The following JAK1 variants were observed in gnomAD, a reference collection of about 807,000 sequenced individuals.
JAK1 encodes tyrosine-protein kinase JAK1.
In JAK1, 16 loss-of-function variants were observed where a neutral mutation model predicts 136.6. That is an observed-to-expected ratio of 0.12 (90% CI 0.08 to 0.18). JAK1 has a LOEUF of 0.18. Among genes scored for constraint, JAK1 ranks in the 10% least tolerant of loss-of-function variants. The pLI, the probability that JAK1 is intolerant of heterozygous loss-of-function variation, is 1.00. For synonymous variants in JAK1, 492 were observed against 519.5 expected (o/e 0.95, Z 0.72); for missense variants, 859 against 1,450.1 (o/e 0.59, Z 6.62).
intron 1 of JAK1, among the ~76,000 whole-genome samples, chr1:64,958,084 G>C (rs1646222719): frequency 6.6e-6 from 1 of 152,174 alleles, no homozygotes; most frequent in Non-Finnish European, 1.5e-5. Context: ...ACTTTTCTAA[G>C]GGCAGGAGCC....
intron 2 of JAK1, among the ~76,000 whole-genome samples, chr1:65,042,190 T>G (rs1164712859): frequency 6.6e-6 from 1 of 152,182 alleles, no homozygotes; most frequent in African/African-American, 2.4e-5. Flanking sequence ...TACATTGTAT[T>G]AGGTATTAGA....
At chr1:65,023,002 T>C (rs1414023691) in intron 2 of JAK1, 1 of 152,178 alleles carries the variant, frequency 6.6e-6, no homozygotes, top group Non-Finnish European at 1.5e-5. Context: ...TTTCCTGTCA[T>C]CCTTACACAG....
chr1:64,892,836 C>T (rs925914378), intron 1 of JAK1, among the ~76,000 whole-genome samples: 3 of 152,196 alleles, frequency 2.0e-5, no homozygotes, highest in Non-Finnish European at 4.4e-5. Context: ...TTTCCATTTA[C>T]CACTCTGCCT....
intron 2 of JAK1, among the ~76,000 whole-genome samples, chr1:64,977,626 T>C (rs1646508104): frequency 6.6e-6 from 1 of 151,634 alleles, no homozygotes; most frequent in South Asian, 2.1e-4. Flanking sequence ...GAGACGGGGG[T>C]TTCACCGTGT....
intron 1 of JAK1, among the ~76,000 whole-genome samples, chr1:65,052,654 A>T (rs1195205709): frequency 6.6e-6 from 1 of 152,052 alleles, no homozygotes; most frequent in Admixed American, 6.6e-5. Flanking sequence ...TCTACTAAAA[A>T]TACAAAAAAC....
In JAK1 at chr1:65,052,118, A is replaced by ATTTTTTTT. The variant is rs71056073; in HGVS notation, c.-180-7544_-180-7537dup. The stretch of plus-strand genomic sequence containing the variant: ...CAAGCATGCACCACCACGCCTGGCT[A>ATTTTTTTT]TTTTTTTTTTTTTTTTTTTTTTGGT... On this transcript the variant is annotated intron_variant, in intron 1 of 25. Transcript: ENST00000671954. Among the ~76,000 whole-genome samples, 414 of 93,530 alleles carry ATTTTTTTT rather than the reference A, an allele frequency of 4.4e-3. 5 individuals carry two copies. Among genetic ancestry groups the ATTTTTTTT allele is most frequent in the Admixed American group, 7.3e-3 (56 of 7,698 alleles). The allele number at this position is 93,530 out of a possible 152,430, so 61.4% of individuals were successfully genotyped here.
chr1:64,995,162 C>A (rs891508592), intron 2 of JAK1: 2 of 152,128 alleles, frequency 1.3e-5, no homozygotes, highest in African/African-American at 4.8e-5. Flanking sequence ...ATTGACTCAA[C>A]CAATTAACCA....
At chr1:64,882,331 T>A (rs977022661) in intron 3 of JAK1, among the ~76,000 whole-genome samples, 1 of 152,208 alleles carries the variant, frequency 6.6e-6, no homozygotes, top group Non-Finnish European at 1.5e-5. Context: ...TTCTGAGGGT[T>A]AAAGGTGGGA....
intron 1 of JAK1, among the ~76,000 whole-genome samples, chr1:64,919,325 G>C (rs1204948146): frequency 6.6e-6 from 1 of 152,126 alleles, no homozygotes; most frequent in Non-Finnish European, 1.5e-5. Flanking sequence ...CTTCATCCAT[G>C]TCCCTACAAA....
intron 1 of JAK1, chr1:65,066,921 C>T (rs998787329): frequency 2.6e-5 from 4 of 152,320 alleles, no homozygotes; most frequent in Non-Finnish European, 4.4e-5. Flanking sequence ...CATTTACACA[C>T]ACACCCCGCC....
At chr1:64,875,224 A>G (rs1657327975) in intron 4 of JAK1, among the ~76,000 whole-genome samples, 1 of 152,200 alleles carries the variant, frequency 6.6e-6, no homozygotes, top group African/African-American at 2.4e-5. Flanking sequence ...AGGAGGGGAA[A>G]AAGCACCAAG....
chr1:64,834,758 T>C (rs1654364748), intron 24 of JAK1, 101 bp from the exon 25 acceptor site: 1 of 752,094 alleles, frequency 1.3e-6, no homozygotes, highest in Non-Finnish European at 2.3e-6. Flanking sequence ...GGAAATGCAA[T>C]GACTTTTCCT....
chr1:65,020,966 C>G (rs1646932608), intron 2 of JAK1, among the ~76,000 whole-genome samples: 1 of 152,130 alleles, frequency 6.6e-6, no homozygotes, highest in Admixed American at 6.6e-5. Flanking sequence ...GAGCTATGAC[C>G]TCTAGTGGAA....
At chr1:64,859,955 G>C (rs561997267) in intron 9 of JAK1, 150 bp downstream of exon 9, 2 of 550,188 alleles carry the variant, frequency 3.6e-6, no homozygotes, top group South Asian at 4.4e-5. Flanking sequence ...GGCCTGACCA[G>C]AGCTTGGACA....
At chr1:64,911,477 G>A (rs61784740) in intron 1 of JAK1, among the ~76,000 whole-genome samples, 7,654 of 152,208 alleles carry the variant, frequency 0.05, 351 homozygotes, top group African/African-American at 0.12. Context: ...ATATCATGCC[G>A]GATAGAGGCC....
intron 1 of JAK1, among the ~76,000 whole-genome samples, chr1:65,062,268 T>C (rs1243881704): frequency 2.0e-5 from 3 of 152,242 alleles, no homozygotes; most frequent in Non-Finnish European, 4.4e-5. Context: ...CTGATTTTGC[T>C]CTACATCACA....
chr1:65,042,228 C>T (rs930005974), intron 2 of JAK1, among the ~76,000 whole-genome samples: 2 of 152,136 alleles, frequency 1.3e-5, no homozygotes, highest in South Asian at 4.2e-4. Context: ...TGAAAGTATA[C>T]GAGAGGATGT....
At chr1:64,876,854 G>A (rs571842865) in intron 4 of JAK1, among the ~76,000 whole-genome samples, 32 of 152,240 alleles carry the variant, frequency 2.1e-4, no homozygotes, top group African/African-American at 7.5e-4. Flanking sequence ...TCAGAGCTAC[G>A]CACTGCAAGT....
At chr1:64,980,909 AT>A (rs1180965034) in intron 2 of JAK1, among the ~76,000 whole-genome samples, 1 of 152,102 alleles carries the variant, frequency 6.6e-6, no homozygotes, top group Non-Finnish European at 1.5e-5. Flanking sequence ...TGAACTCATC[AT>A]TTTTTATGGC....
Sources: gnomAD v4.1 joint callset for allele counts (sites outside exome capture counted in the v4.1 genomes callset) on GRCh38, gnomAD v4.1.1 for gene constraint, MANE v1.5 for transcripts, NCBI Gene and HGNC (gene_info 2026-07-23, HGNC 2026-07-21) for gene names.